Variants in TSEN15 observed in about 807,000 individuals in gnomAD.
TSEN15 encodes the protein tRNA splicing endonuclease subunit 15, also known as tRNA-splicing endonuclease subunit Sen15.
In TSEN15, 10 loss-of-function variants were observed where a neutral mutation model predicts 20.5. The observed-to-expected ratio is 0.49, with a 90% CI of 0.30 to 0.83. TSEN15 has a LOEUF of 0.83. Ranked by LOEUF, TSEN15 falls within the 40% of genes least tolerant of loss-of-function variation. The probability of loss-of-function intolerance (pLI) is 0.06; values close to 1 mark genes in which losing one functional copy is unlikely to be tolerated. For missense variants in TSEN15, 180 were observed against 218.6 expected (o/e 0.82, Z 1.11); for synonymous variants, 72 against 80.1 (o/e 0.90, Z 0.54).
chr1:184,081,472 C>A (rs1651166413), intron 3 of TSEN15, among the ~76,000 whole-genome samples: 1 of 152,054 alleles, frequency 6.6e-6, no homozygotes, highest in African/African-American at 2.4e-5. Flanking sequence ...TTTCACTAGC[C>A]AAAGGAAGCC....
At chr1:184,058,508 G>T (rs1193825276) in intron 3 of TSEN15, among the ~76,000 whole-genome samples, 2 of 151,922 alleles carry the variant, frequency 1.3e-5, no homozygotes, top group Non-Finnish European at 2.9e-5. Flanking sequence ...CTTTAACAGG[G>T]CAGTCTTTTA....
intron 3 of TSEN15, among the ~76,000 whole-genome samples, chr1:184,065,764 G>A (rs1272350972): frequency 6.6e-6 from 1 of 152,188 alleles, no homozygotes; most frequent in African/African-American, 2.4e-5. Context: ...ATGATGTTGA[G>A]CATCTTTTCA....
At chr1:184,065,252 T>C (rs376445465) in intron 3 of TSEN15, among the ~76,000 whole-genome samples, 24 of 152,134 alleles carry the variant, frequency 1.6e-4, no homozygotes, top group African/African-American at 5.3e-4. Context: ...ATTGAGCAGA[T>C]AGTACAGAGA....
At position 184,072,999 on chromosome 1, in the gene TSEN15, T is replaced by G. The variant is rs1174018593; in HGVS notation, c.*152T>G. 1 of 685,152 alleles carries G rather than the reference T, an allele frequency of 1.5e-6. No individual in the cohort carries two copies. Among genetic ancestry groups the G allele is most frequent in the Non-Finnish European group, 2.4e-6 (1 of 411,964 alleles). 42.4% of individuals were successfully genotyped at this position (685,152 alleles called of 1,614,324 possible). ...AGGTTTTCATTCTGAAGAGTAAAACTTCCCCAGGTAGAAGACTTTCTCCTT... is the reference window on the plus strand; with the variant it reads ...AGGTTTTCATTCTGAAGAGTAAAACGTCCCCAGGTAGAAGACTTTCTCCTT... On this transcript the variant is annotated 3_prime_UTR_variant, in exon 5 of 5. Coordinates refer to ENST00000645668, the MANE Select transcript of TSEN15 (RefSeq NM_052965.4).
chr1:184,092,814 T>C (rs1175881249), intron 3 of TSEN15, among the ~76,000 whole-genome samples: 1 of 152,202 alleles, frequency 6.6e-6, no homozygotes, highest in Admixed American at 6.5e-5. Context: ...AGAAGAGGGC[T>C]CTGACATCCT....
At chr1:184,081,895 T>C (rs1365821038) in intron 3 of TSEN15, among the ~76,000 whole-genome samples, 2 of 152,176 alleles carry the variant, frequency 1.3e-5, no homozygotes, top group Non-Finnish European at 2.9e-5. Flanking sequence ...CCCGTTCTTC[T>C]GATGCACCAG....
chr1:184,092,190 G>A (rs1651372805), intron 3 of TSEN15, among the ~76,000 whole-genome samples: 1 of 152,228 alleles, frequency 6.6e-6, no homozygotes, highest in Non-Finnish European at 1.5e-5. Flanking sequence ...TCGTTTGCAT[G>A]AGTGCAGAAA....
At chr1:184,053,956 T>C (rs892968124) in intron 1 of TSEN15, among the ~76,000 whole-genome samples, 5 of 152,256 alleles carry the variant, frequency 3.3e-5, no homozygotes, top group African/African-American at 1.2e-4. Context: ...CCCACCTTTG[T>C]GTAATTACCT....
chr1:184,055,365 C>T (rs1436506134), intron 3 of TSEN15, among the ~76,000 whole-genome samples: 1 of 152,194 alleles, frequency 6.6e-6, no homozygotes, highest in Admixed American at 6.5e-5. Flanking sequence ...CAGGCCCCAC[C>T]TCCAACATTG....
At chr1:184,051,942 G>C (rs768179260) in intron 1 of TSEN15, 52 bp downstream of exon 1, 2 of 1,451,210 alleles carry the variant, frequency 1.4e-6, no homozygotes, top group African/African-American at 1.5e-5. Context: ...AACCCAGGCA[G>C]AACACTCCCA....
At position 184,088,163 on chromosome 1, in the gene TSEN15, T is replaced by A. The variant is rs187160931; in HGVS notation, c.354-7527T>A. Among the ~76,000 whole-genome samples, 17 of 151,788 alleles carry A rather than the reference T, an allele frequency of 1.1e-4. No homozygotes were observed. In the East Asian group the frequency reaches 2.9e-3, roughly 26 times the overall value. The stretch of plus-strand genomic sequence containing the variant: ...TGGGCACCAGCCAGGGAGGTCTGCT[T>A]CCCTGGCCCAGAATGACCGGCTATT... On this transcript the variant is annotated intron_variant, in intron 3 of 3. Transcript: ENST00000643231.
chr1:184,077,554 G>T (rs928243874), downstream of TSEN15, among the ~76,000 whole-genome samples: 1 of 152,128 alleles, frequency 6.6e-6, no homozygotes, highest in Non-Finnish European at 1.5e-5. Flanking sequence ...TAAGGCTGTA[G>T]CTGCCATAGA....
intron 3 of TSEN15, chr1:184,070,727 T>C: frequency 8.6e-7 from 1 of 1,160,908 alleles, no homozygotes; most frequent in Non-Finnish European, 1.1e-6. Context: ...TTCCCATCAG[T>C]GCTGAGTAAT....
chr1:184,086,666 C>T (rs1056653213), intron 3 of TSEN15, among the ~76,000 whole-genome samples: 13 of 152,122 alleles, frequency 8.5e-5, no homozygotes, highest in African/African-American at 3.1e-4. Context: ...GATCTCTCTA[C>T]AGGACACCTT....
intron 4 of TSEN15, 26 bp from the exon 5 acceptor site, chr1:184,072,801 T>C: frequency 6.3e-7 from 1 of 1,594,422 alleles, no homozygotes; most frequent in South Asian, 1.2e-5. Context: ...CGGAGAAAAG[T>C]CCATCCTGAT....
intron 3 of TSEN15, among the ~76,000 whole-genome samples, chr1:184,092,009 G>A (rs2102905409): frequency 6.6e-6 from 1 of 152,282 alleles, no homozygotes; most frequent in Admixed American, 6.5e-5. Context: ...TCAAAGGCTG[G>A]GAAGATGGAG....
intron 3 of TSEN15, chr1:184,070,624 G>A (rs192099886): frequency 1.7e-4 from 221 of 1,275,874 alleles, no homozygotes; most frequent in African/African-American, 1.6e-3. Context: ...AGATATTGGC[G>A]TGCCACTTTT....
intron 1 of TSEN15, among the ~76,000 whole-genome samples, chr1:184,052,723 T>C (rs976978970): frequency 1.3e-5 from 2 of 152,172 alleles, no homozygotes; most frequent in African/African-American, 4.8e-5. Context: ...ATCTTCCTAC[T>C]CTGTCCCCTT....
chr1:184,086,021 T>A (rs1359625759), intron 3 of TSEN15, among the ~76,000 whole-genome samples: 1 of 152,246 alleles, frequency 6.6e-6, no homozygotes, highest in Non-Finnish European at 1.5e-5. Flanking sequence ...AAGAGGGACA[T>A]GAACAATATC....
Sources: gnomAD v4.1 joint callset for allele counts (sites outside exome capture counted in the v4.1 genomes callset) on GRCh38, gnomAD v4.1.1 for gene constraint, MANE v1.5 for transcripts, NCBI Gene and HGNC (gene_info 2026-07-23, HGNC 2026-07-21) for gene names.